The following FAH variants were observed in gnomAD, a reference collection of about 807,000 sequenced individuals.
The protein encoded by FAH is fumarylacetoacetase.
A neutral mutation model predicts 55.8 loss-of-function variants in FAH; 47 were observed. The observed-to-expected ratio is 0.84, with a 90% CI of 0.67 to 1.07. FAH has a LOEUF of 1.07. FAH is among the 50% of genes least tolerant of loss of function. The pLI, the probability that FAH is intolerant of heterozygous loss-of-function variation, is 0.00. For synonymous variants in FAH, 199 were observed against 207.7 expected, an observed-to-expected ratio of 0.96 and a Z score of 0.36; for missense variants, 495 against 545.9, an observed-to-expected ratio of 0.91 and a Z score of 0.93.
At chr15:80,180,741 C>T (rs1284426098) in intron 12 of FAH, among the ~76,000 whole-genome samples, 1 of 152,186 alleles carries the variant, frequency 6.6e-6, no homozygotes, top group Non-Finnish European at 1.5e-5. Flanking sequence ...GGGCAAACTG[C>T]AGCCTCCAGA....
At chr15:80,173,209 C>G (rs958099117) in intron 9 of FAH, 65 bp downstream of exon 9, 3 of 1,606,850 alleles carry the variant, frequency 1.9e-6, no homozygotes, top group Admixed American at 3.3e-5. Flanking sequence ...TGCTTGCCCA[C>G]TGAGTGGACA....
Position 80,153,148 on chromosome 15 carries a change from G to T in FAH, c.81+13G>T, listed in dbSNP as rs1359387375. On this transcript the variant is annotated intron_variant, in intron 1 of 13. Coordinates refer to ENST00000561421, the MANE Select transcript of FAH (RefSeq NM_000137.4). ...GACCAGAGGCGACGTGAGCAGTGGG[G>T]CTTTGGCGTCCGGGCGCGGGGAGGG... 5.0e-6 allele frequency: 8 copies of T among 1,606,892 alleles called. No individual in the cohort carries two copies. Among genetic ancestry groups the T allele is most frequent in the Non-Finnish European group, 6.8e-6 (8 of 1,177,944 alleles).
intron 7 of FAH, among the ~76,000 whole-genome samples, chr15:80,171,791 G>A (rs2041243156): frequency 6.6e-6 from 1 of 152,172 alleles, no homozygotes; most frequent in African/African-American, 2.4e-5. Context: ...TACAAACCCT[G>A]ATAGTTTCAG....
At chr15:80,174,940 T>TGGCTGGTATGGGGGCCC in intron 9 of FAH, 76 bp from the exon 10 acceptor site, 4 of 1,239,516 alleles carry the variant, frequency 3.2e-6, no homozygotes, top group African/African-American at 1.5e-5. Flanking sequence ...GCTGGGGGCC[T>TGGCTGGTATGGGGGCCC]GGCTGGTATG....
chr15:80,184,186 A>G (rs1038151448), intron 13 of FAH, among the ~76,000 whole-genome samples: 6 of 152,190 alleles, frequency 3.9e-5, no homozygotes, highest in Non-Finnish European at 5.9e-5. Context: ...TGCTGGACAC[A>G]TGCATTTCTC....
intron 3 of FAH, 184 bp from the exon 4 acceptor site, chr15:80,160,226 A>C: frequency 1.4e-6 from 1 of 701,194 alleles, no homozygotes; most frequent in South Asian, 1.5e-5. Context: ...AGAATATAGA[A>C]ACGGCTTCAG....
At chr15:80,154,375 AATTAAT>A (rs778029755) in intron 1 of FAH, among the ~76,000 whole-genome samples, 19 of 152,332 alleles carry the variant, frequency 1.2e-4, no homozygotes, top group Middle Eastern at 3.4e-3. Flanking sequence ...AGGGGAATCG[AATTAAT>A]ATCCGTTAGA....
intron 7 of FAH, 85 bp downstream of exon 7, chr15:80,168,401 C>A: frequency 7.4e-7 from 1 of 1,351,278 alleles, no homozygotes; most frequent in East Asian, 2.3e-5. Context: ...GCACCATGAG[C>A]CGCCCACTCC....
rs80338895 is a variant in FAH, at chr15:80,168,263, G to C, written c.554-1G>C. 6.2e-7 allele frequency: 1 copy of C among 1,604,106 alleles called. No homozygotes were observed. Among genetic ancestry groups the C allele is most frequent in the Non-Finnish European group, 8.5e-7 (1 of 1,175,110 alleles). ...TTTTTTTTTTTCTGGTGTTATTCCA[G>C]CTAAGCCTCCCGTATATGGTGCCTG... On this transcript the variant is annotated splice_acceptor_variant, in intron 6 of 13. Transcript: ENST00000561421. LOFTEE classifies it high-confidence loss of function.
Position 80,168,113 on chromosome 15 carries a change from A to G in FAH, c.517A>G (p.Ile173Val), listed in dbSNP as rs771353915. Residue 173 changes from isoleucine (I) to valine (V), a missense_variant, in exon 6 of 14, where the codon ATC (isoleucine) becomes GTC (valine). Transcript: ENST00000561421. Reference sequence around the variant, plus strand: ...CTCTGTCGTGGTGTCTGGCACCCCAATCCGAAGGCCCATGGGACAGATGAA... The same window carrying G: ...CTCTGTCGTGGTGTCTGGCACCCCAGTCCGAAGGCCCATGGGACAGATGAA... Reference protein sequence around the residue: ...ASSVVVSGTPIRRPMGQMKPD... With the variant: ...ASSVVVSGTPVRRPMGQMKPD... 1.1e-5 allele frequency: 17 copies of G among 1,613,992 alleles called. No homozygotes were observed. Among genetic ancestry groups the G allele is most frequent in the Admixed American group, 3.3e-5 (2 of 59,984 alleles).
intron 7 of FAH, 142 bp downstream of exon 7, chr15:80,168,458 C>T: frequency 1.3e-6 from 1 of 766,154 alleles, no homozygotes; most frequent in South Asian, 1.4e-5. Flanking sequence ...CCCACCTGGC[C>T]ATCAGAAGGA....
At chr15:80,186,587 G>A (rs767864092), downstream of FAH, 4 of 301,960 alleles carry the variant, frequency 1.3e-5, no homozygotes, top group South Asian at 3.4e-5. Context: ...GAAAGAGATC[G>A]ATTTATTGAT....
Position 80,159,818 on chromosome 15 carries a change from G to T in FAH, c.255G>T (p.Leu85Phe). The change falls in exon 3 of 14, where the codon TTG becomes TTT. Residue 85 changes from leucine (L) to phenylalanine (F), a missense_variant. Transcript: ENST00000561421. ...QAAWKEARVF[L>F]QNLLSVSQAR... is the part of the protein sequence containing the mutation. ...CCTGGAAGGAGGCGAGAGTGTTCTT[G>T]CAGAACTTGCTGTCTGTGAGCCAAG... is the stretch of plus-strand genomic sequence containing the variant. 6.2e-7 allele frequency: 1 copy of T among 1,614,240 alleles called. No homozygotes were observed. Among genetic ancestry groups the T allele is most frequent in the South Asian group, 1.1e-5 (1 of 91,086 alleles).
intron 12 of FAH, chr15:80,180,462 G>T: frequency 1.8e-6 from 1 of 544,260 alleles, no homozygotes; most frequent in South Asian, 2.0e-5. Context: ...CTGTAGGGGA[G>T]CAGCGCAGTG....
rs1001096495 is a variant in FAH, at chr15:80,172,197, T to G, written c.655T>G (p.Ser219Ala). ...CAGATTGGGAGAGCCGATCCCCATT[T>G]CCAAGGCCCATGAGCACATTTTTGG... ...GNRLGEPIPI[S>A]KAHEHIFGMV... Residue 219 changes from serine (S) to alanine (A), a missense_variant, in exon 8 of 14, where the codon TCC (serine) becomes GCC (alanine). By Grantham distance (99) the Ser-to-Ala change is moderately conservative (BLOSUM62 1). Transcript: ENST00000561421. The G allele has an allele frequency of 6.2e-7, 1 of 1,614,188 alleles. No individual in the cohort carries two copies. The highest frequency in any genetic ancestry group is 8.5e-7 in the Non-Finnish European group (1 of 1,180,016).
chr15:80,168,357 C>G (rs763999213), intron 7 of FAH, 41 bp downstream of exon 7: 2 of 1,605,094 alleles, frequency 1.2e-6, no homozygotes, highest in Non-Finnish European at 1.7e-6. Context: ...GATCTATAGA[C>G]ACCCGGCAGG....
chr15:80,176,757 G>C (rs1409990581), intron 10 of FAH, among the ~76,000 whole-genome samples: 2 of 152,230 alleles, frequency 1.3e-5, no homozygotes, highest in Non-Finnish European at 2.9e-5. Context: ...CTGCCCGCCC[G>C]GGGGAGGCCA....
intron 12 of FAH, 28 bp downstream of exon 12, chr15:80,180,253 CCCACG>C: frequency 6.4e-7 from 1 of 1,557,428 alleles, no homozygotes; most frequent in Non-Finnish European, 8.8e-7. Flanking sequence ...CTGAGGGCTG[CCCACG>C]CAGAGCATCC....
intron 1 of FAH, among the ~76,000 whole-genome samples, chr15:80,155,465 T>C (rs1165945634): frequency 6.6e-6 from 1 of 152,204 alleles, no homozygotes; most frequent in Non-Finnish European, 1.5e-5. Context: ...GCTCCAGATC[T>C]CACAGCCAGT....
Sources: allele counts gnomAD v4.1 joint callset (sites outside exome capture counted in the v4.1 genomes callset), GRCh38; gene constraint gnomAD v4.1.1; transcripts MANE v1.5; gene names NCBI Gene and HGNC (gene_info 2026-07-23, HGNC 2026-07-21).